GLIS3: variants seen among roughly 807,000 people sequenced by gnomAD.
GLIS3 encodes GLIS family zinc finger 3, also known as zinc finger protein GLIS3.
A neutral mutation model predicts 78.6 loss-of-function variants in GLIS3; 53 were observed. That is an observed-to-expected ratio of 0.67 (90% CI 0.54 to 0.85). GLIS3 has a LOEUF of 0.85. GLIS3 is among the 40% of genes least tolerant of loss of function. The pLI, the probability that GLIS3 is intolerant of heterozygous loss-of-function variation, is 0.00. For missense variants in GLIS3, 1,703 were observed against 1,231.1 expected (o/e 1.38, Z -5.74); for synonymous variants, 684 against 509.9 (o/e 1.34, Z -4.60).
chr9:3,837,085 C>A (rs1385710707), intron 9 of GLIS3, among the ~76,000 whole-genome samples: 1 of 152,192 alleles, frequency 6.6e-6, no homozygotes, highest in Non-Finnish European at 1.5e-5. Context: ...CAATCCACTT[C>A]AGGGTCACCA....
chr9:4,227,115 C>T (rs1026275276), intron 2 of GLIS3, among the ~76,000 whole-genome samples: 3 of 152,046 alleles, frequency 2.0e-5, no homozygotes, highest in Non-Finnish European at 4.4e-5. Context: ...CAGATGGGCA[C>T]GGGCACAGAA....
chr9:4,043,592 G>C (rs1825009941), intron 4 of GLIS3, among the ~76,000 whole-genome samples: 1 of 152,078 alleles, frequency 6.6e-6, no homozygotes, highest in Non-Finnish European at 1.5e-5. Flanking sequence ...TCAGTTATTG[G>C]AGGGCTGGGG....
At chr9:4,183,903 G>A (rs1817549049) in intron 2 of GLIS3, among the ~76,000 whole-genome samples, 1 of 152,122 alleles carries the variant, frequency 6.6e-6, no homozygotes, top group South Asian at 2.1e-4. Context: ...CTAATATACT[G>A]CTGCTGTCTA....
chr9:4,404,131 G>T, the GLIS3 span, among the ~76,000 whole-genome samples: 5 of 152,186 alleles, frequency 3.3e-5, no homozygotes, highest in South Asian at 1.0e-3. Context: ...GACAAATAAG[G>T]TTATTAAATA....
chr9:4,275,861 G>C (rs1484538858), intron 2 of GLIS3, among the ~76,000 whole-genome samples: 1 of 152,174 alleles, frequency 6.6e-6, no homozygotes, highest in African/African-American at 2.4e-5. Context: ...TACCTAAAAT[G>C]GGGCCGATTA....
intron 2 of GLIS3, among the ~76,000 whole-genome samples, chr9:4,184,500 A>C (rs1817597384): frequency 6.6e-6 from 1 of 152,212 alleles, no homozygotes; most frequent in South Asian, 2.1e-4. Flanking sequence ...AGCATCTGAG[A>C]CTGAGGAGCG....
the GLIS3 span, among the ~76,000 whole-genome samples, chr9:4,378,124 C>T: frequency 1.1e-4 from 17 of 151,994 alleles, no homozygotes; most frequent in African/African-American, 3.4e-4. Context: ...TATACAAATG[C>T]TAATTATTAC....
chr9:4,048,067 A>G (rs899001484), intron 4 of GLIS3, among the ~76,000 whole-genome samples: 1 of 152,192 alleles, frequency 6.6e-6, no homozygotes, highest in African/African-American at 2.4e-5. Context: ...AATTGAACCC[A>G]TGATTGGAGA....
upstream of GLIS3, among the ~76,000 whole-genome samples, chr9:4,300,505 C>A (rs542592572): frequency 1.3e-5 from 2 of 152,034 alleles, no homozygotes; most frequent in African/African-American, 4.8e-5. Context: ...ATGACAGCTT[C>A]GAAACTGGAT....
At chr9:4,427,565 T>C in the GLIS3 span, among the ~76,000 whole-genome samples, 1 of 152,160 alleles carries the variant, frequency 6.6e-6, no homozygotes, top group Non-Finnish European at 1.5e-5. Context: ...TTACGTCAAA[T>C]GGCAGAAAAG....
chr9:4,080,113 C>A (rs192608091), intron 4 of GLIS3, among the ~76,000 whole-genome samples: 2 of 152,278 alleles, frequency 1.3e-5, no homozygotes, highest in East Asian at 3.9e-4. Flanking sequence ...ATATTGGAAC[C>A]CCCCTGGCTT....
chr9:3,906,323 A>G (rs1222404160), intron 6 of GLIS3, among the ~76,000 whole-genome samples: 1 of 152,210 alleles, frequency 6.6e-6, no homozygotes, highest in Admixed American at 6.5e-5. Context: ...AACAATCTGG[A>G]TGAAAGATGC....
At chr9:4,148,164 C>A (rs886797235) in intron 2 of GLIS3, among the ~76,000 whole-genome samples, 1 of 151,974 alleles carries the variant, frequency 6.6e-6, no homozygotes, top group South Asian at 2.1e-4. Context: ...AGCTCTTAAT[C>A]CCTCCCCCCT....
chr9:4,131,845 G>A (rs1673552492), intron 2 of GLIS3, among the ~76,000 whole-genome samples: 1 of 152,022 alleles, frequency 6.6e-6, no homozygotes. Flanking sequence ...GCACGCAGTA[G>A]GTACTTAATG....
At chr9:3,937,312 C>G (rs368763498) in intron 4 of GLIS3, 123 bp from the exon 5 acceptor site, 1 of 966,658 alleles carries the variant, frequency 1.0e-6, no homozygotes, top group African/African-American at 1.6e-5. Context: ...AAAATCAAAT[C>G]CAAACAGTAA....
At chr9:4,464,673 G>C in the GLIS3 span, among the ~76,000 whole-genome samples, 1 of 152,132 alleles carries the variant, frequency 6.6e-6, no homozygotes, top group Non-Finnish European at 1.5e-5. Flanking sequence ...GTGATTACAG[G>C]CATGAGCCAC....
chr9:4,006,808 G>A (rs368144774), intron 4 of GLIS3, among the ~76,000 whole-genome samples: 2 of 152,124 alleles, frequency 1.3e-5, no homozygotes, highest in African/African-American at 2.4e-5. Context: ...TTAGATTTCC[G>A]TAATGGTAAA....
At chr9:4,331,999 T>C (rs1432254534) in intron 2 of GLIS3, among the ~76,000 whole-genome samples, 3 of 151,868 alleles carry the variant, frequency 2.0e-5, no homozygotes, top group African/African-American at 7.3e-5. Context: ...AACTTGGGAG[T>C]CCTTATGTAC....
chr9:4,268,377 A>G (rs1826206359), intron 2 of GLIS3, among the ~76,000 whole-genome samples: 1 of 152,228 alleles, frequency 6.6e-6, no homozygotes, highest in African/African-American at 2.4e-5. Flanking sequence ...ATTGCCTACC[A>G]TTATTCTTTC....
Sources: gnomAD v4.1 joint callset for allele counts (sites outside exome capture counted in the v4.1 genomes callset) on GRCh38, gnomAD v4.1.1 for gene constraint, MANE v1.5 for transcripts, NCBI Gene and HGNC (gene_info 2026-07-23, HGNC 2026-07-21) for gene names.